The following DIAPH1 variants were observed in gnomAD, a reference collection of about 807,000 sequenced individuals.
The protein encoded by DIAPH1 is protein diaphanous homolog 1.
DIAPH1 carries 46 observed loss-of-function variants against 140.7 expected under a neutral mutation model. The observed-to-expected ratio is 0.33, with a 90% confidence interval of 0.26 to 0.42. The LOEUF (loss-of-function observed/expected upper bound fraction) is 0.42. Ranked by LOEUF, DIAPH1 falls within the 10% of genes least tolerant of loss-of-function variation. DIAPH1 has a pLI of 1.00. For missense variants in DIAPH1, 1,310 were observed against 1,558.7 expected (o/e 0.84, Z 2.69); for synonymous variants, 565 against 551.6 (o/e 1.02, Z -0.34).
Position 141,574,915 on chromosome 5 carries a change from C to T in DIAPH1, c.1641+52G>A, listed in dbSNP as rs116056300. ...GAGATGACTGACTCCTGTTCCAAGCCATGTGCATCCTGAGGTTACAGGTCA... is the reference window on the plus strand; with the variant it reads ...GAGATGACTGACTCCTGTTCCAAGCTATGTGCATCCTGAGGTTACAGGTCA... On this transcript the variant is annotated intron_variant, in intron 15 of 27. Coordinates refer to ENST00000389054, the MANE Select transcript of DIAPH1 (RefSeq NM_005219.5). 189 of 1,603,696 alleles carry T rather than the reference C, an allele frequency of 1.2e-4. 2 individuals are homozygous for T. The African/African-American group carries it at 2.4e-3, about 20-fold the overall frequency.
At chr5:141,598,956 T>C (rs1292906626) in intron 1 of DIAPH1, among the ~76,000 whole-genome samples, 1 of 152,170 alleles carries the variant, frequency 6.6e-6, no homozygotes, top group Non-Finnish European at 1.5e-5. Flanking sequence ...CAGAATTCAA[T>C]CTATTGTAAA....
intron 8 of DIAPH1, 50 bp downstream of exon 8, chr5:141,580,694 G>C (rs766918876): frequency 6.2e-7 from 1 of 1,604,156 alleles, no homozygotes; most frequent in East Asian, 2.2e-5. Flanking sequence ...TGAACTAAGA[G>C]AAAATGATAA....
At chr5:141,580,281 G>A (rs940029905) in intron 8 of DIAPH1, among the ~76,000 whole-genome samples, 6 of 152,110 alleles carry the variant, frequency 3.9e-5, no homozygotes, top group African/African-American at 1.4e-4. Context: ...TCAAGGGAAC[G>A]CAATATGTTT....
chr5:141,575,415 G>A (rs942939507), intron 14 of DIAPH1, among the ~76,000 whole-genome samples: 3 of 152,146 alleles, frequency 2.0e-5, no homozygotes, highest in Admixed American at 6.5e-5. Context: ...TCGGGAGGCC[G>A]AGGCAGGTGG....
intron 11 of DIAPH1, 84 bp from the exon 12 acceptor site, chr5:141,577,675 G>C (rs2099896161): frequency 1.1e-6 from 1 of 875,694 alleles, no homozygotes; most frequent in South Asian, 1.3e-5. Context: ...GAAAAAGCTA[G>C]GGAAAAGTAG....
At chr5:141,520,480 G>A (rs901392408) in intron 27 of DIAPH1, among the ~76,000 whole-genome samples, 3 of 152,104 alleles carry the variant, frequency 2.0e-5, no homozygotes, top group East Asian at 1.9e-4. Flanking sequence ...GTTTAAAAGA[G>A]CCTGGCATCT....
At position 141,571,975 on chromosome 5, in the gene DIAPH1, G is replaced by A. The variant is rs766731479; in HGVS notation, c.2424C>T (p.Asn808=). Residue 808 remains asparagine (N), a synonymous_variant, in exon 17 of 28, where the codon AAC becomes AAT. Coordinates refer to ENST00000389054, the MANE Select transcript of DIAPH1 (RefSeq NM_005219.5). ...WTKVKEDRFE[N]NELFAKLTLT... ...GGGTAAGTTTGGCGAAAAGTTCATTGTTCTCAAAGCGGTCCTCCTTCACCT... is the reference window on the plus strand; with the variant it reads ...GGGTAAGTTTGGCGAAAAGTTCATTATTCTCAAAGCGGTCCTCCTTCACCT... The A allele has an allele frequency of 1.9e-6, 3 of 1,614,196 alleles. No individual in the cohort carries two copies. Among genetic ancestry groups the A allele is most frequent in the Non-Finnish European group, 1.7e-6 (2 of 1,180,024 alleles).
At chr5:141,611,681 G>A (rs1227846895) in intron 1 of DIAPH1, among the ~76,000 whole-genome samples, 2 of 152,200 alleles carry the variant, frequency 1.3e-5, no homozygotes, top group African/African-American at 4.8e-5. Context: ...GATAGCAAAT[G>A]GGCAAAATCT....
intron 14 of DIAPH1, 23 bp downstream of exon 14, chr5:141,576,207 T>C (rs768663310): frequency 4.5e-6 from 7 of 1,547,732 alleles, no homozygotes; most frequent in Non-Finnish European, 4.5e-6. Flanking sequence ...CTCAAACACA[T>C]GTCTTTGGTC....
intron 18 of DIAPH1, among the ~76,000 whole-genome samples, chr5:141,567,991 G>C (rs1562315611): frequency 6.6e-6 from 1 of 152,182 alleles, no homozygotes; most frequent in Non-Finnish European, 1.5e-5. Context: ...TTGGAGAACT[G>C]TTCTGATGCT....
chr5:141,579,051 T>A, intron 9 of DIAPH1, 37 bp downstream of exon 9: 1 of 1,478,178 alleles, frequency 6.8e-7, no homozygotes, highest in East Asian at 2.3e-5. Context: ...CCATCTTGAA[T>A]TCTATTCTTG....
In DIAPH1 at chr5:141,583,195, G is replaced by T; in HGVS notation, c.620+11C>A. ...TCCAACTTGAAGTTGCAAAGACTTG[G>T]AAGTCCTCACCCAGCAGTCTCTTCT... On this transcript the variant is annotated intron_variant, in intron 6 of 27. Coordinates refer to ENST00000389054, the MANE Select transcript of DIAPH1 (RefSeq NM_005219.5). The T allele has an allele frequency of 1.2e-6, 2 of 1,612,966 alleles. No homozygotes were observed. Among genetic ancestry groups the T allele is most frequent in the South Asian group, 1.1e-5 (1 of 91,062 alleles).
rs775867437 is a variant in DIAPH1 at position 141,534,397 on chromosome 5, G to A, written c.2519C>T (p.Ser840Phe). ...CTCTTTTACTTTTTTCTTTTGCACA[G>A]ATTTCTTTTCTTCTCCACCTTCTTG... is the stretch of plus-strand genomic sequence containing the variant. ...KDQEGGEEKK[S>F]VQKKKVKELK... Residue 840 changes from serine (S) to phenylalanine (F), a missense_variant, in exon 19 of 28, where the codon TCT (serine) becomes TTT (phenylalanine). Transcript: ENST00000389054. 2 of 1,613,794 alleles carry A rather than the reference G, an allele frequency of 1.2e-6. No homozygotes were observed. Among genetic ancestry groups the A allele is most frequent in the Non-Finnish European group, 1.7e-6 (2 of 1,179,984 alleles).
Position 141,618,996 on chromosome 5 carries a change from C to T in DIAPH1, c.-82G>A, listed in dbSNP as rs886060035. ...CCGCGCCCGCCGCCGCCCAGTCGCT[C>T]TTTAGCCAGCCGCCGCGCCCCGCCT... is the stretch of plus-strand genomic sequence containing the variant. On this transcript the variant is annotated 5_prime_UTR_variant, in exon 1 of 28. Coordinates refer to ENST00000389054, the MANE Select transcript of DIAPH1 (RefSeq NM_005219.5). The T allele has an allele frequency of 1.2e-4, 88 of 714,608 alleles. No homozygotes were observed. Among genetic ancestry groups the T allele is most frequent in the Middle Eastern group, 4.4e-4 (1 of 2,278 alleles). 44.3% of individuals were successfully genotyped at this position (714,608 alleles called of 1,614,324 possible).
At chr5:141,553,539 A>G (rs962282668) in intron 18 of DIAPH1, among the ~76,000 whole-genome samples, 4 of 151,868 alleles carry the variant, frequency 2.6e-5, no homozygotes, top group African/African-American at 9.7e-5. Context: ...GCTACTCAGG[A>G]GGCTGAGGCA....
In DIAPH1 at chr5:141,574,111, G is replaced by A. The variant is rs1324721107; in HGVS notation, c.1739C>T (p.Ala580Val). 2.5e-6 allele frequency: 4 copies of A among 1,614,018 alleles called. No individual in the cohort carries two copies. The highest frequency in any genetic ancestry group is 3.4e-6 in the Non-Finnish European group (4 of 1,180,000). The stretch of plus-strand genomic sequence containing the variant: ...TAAAGGAGGGGCAGGGGGAACAGGA[G>A]CACGACTAGGAACAGAAGGAGGTAC... The part of the protein sequence containing the change: ...ITVPPSVPSR[A>V]PVPPAPPLPG... Residue 580 changes from alanine (A) to valine (V), a missense_variant, in exon 16 of 28, where the codon GCT becomes GTT. This residue lies in a region of DIAPH1 where 589 missense variants were observed against 549.3 expected (regional missense o/e 1.07). Transcript: ENST00000389054.
chr5:141,587,121 G>A lies in DIAPH1; in HGVS notation c.221C>T (p.Ser74Leu). The A allele has an allele frequency of 1.9e-6, 3 of 1,614,062 alleles. No homozygotes were observed. The highest frequency in any genetic ancestry group is 1.7e-6 in the Non-Finnish European group (2 of 1,179,966). Residue 74 changes from serine to leucine, a missense_variant, in exon 3 of 28, where the codon TCA becomes TTA. Ser to Leu is a moderately radical substitution (Grantham distance 145). Around this residue, in one of 3 missense-constraint regions of DIAPH1, gnomAD observed 377 missense variants for 497.1 expected, o/e 0.76. Transcript: ENST00000389054. ...CTGTGCTGTGGGATCATCCCCATAT[G>A]ATGCAGAAGAATTTCTATGAGCAGA... ...PNSAHRNSSA[S>L]YGDDPTAQSL...
chr5:141,561,970 A>T (rs2099893613), intron 18 of DIAPH1: 2 of 152,234 alleles, frequency 1.3e-5, no homozygotes, highest in South Asian at 4.1e-4. Flanking sequence ...CAGTACAAAG[A>T]TCTCCTCCTG....
At chr5:141,609,286 T>C (rs1052625474) in intron 1 of DIAPH1, among the ~76,000 whole-genome samples, 7 of 152,048 alleles carry the variant, frequency 4.6e-5, no homozygotes, top group African/African-American at 1.7e-4. Flanking sequence ...AGACTGTAGA[T>C]GACCAAAGAA....
Sources: gnomAD v4.1 joint callset for allele counts (sites outside exome capture counted in the v4.1 genomes callset) on GRCh38, gnomAD v4.1.1 for gene constraint, gnomAD v4.1.1 regional missense constraint, MANE v1.5 for transcripts, NCBI Gene and HGNC (gene_info 2026-07-23, HGNC 2026-07-21) for gene names.